DNAH3: variants seen among roughly 807,000 people sequenced by gnomAD.
DNAH3 encodes dynein axonemal heavy chain 3.
DNAH3 carries 332 observed loss-of-function variants against 432.5 expected under a neutral mutation model. That is an observed-to-expected ratio of 0.77 (90% CI 0.70 to 0.84). DNAH3 has a LOEUF of 0.84. DNAH3 is among the 40% of genes least tolerant of loss of function. The pLI, the probability that DNAH3 is intolerant of heterozygous loss-of-function variation, is 0.00. For synonymous variants in DNAH3, 1,956 were observed against 1,900.2 expected (o/e 1.03, Z -0.76); for missense variants, 4,861 against 5,114.0 (o/e 0.95, Z 1.51).
chr16:21,139,992 C>A (rs1237291960), intron 5 of DNAH3, among the ~76,000 whole-genome samples: 1 of 151,168 alleles, frequency 6.6e-6, no homozygotes, highest in Non-Finnish European at 1.5e-5. Flanking sequence ...AGCATGTTGA[C>A]CAGGCTGGTT....
intron 43 of DNAH3, among the ~76,000 whole-genome samples, chr16:20,997,890 T>C (rs1286767468): frequency 1.4e-5 from 2 of 148,104 alleles, no homozygotes; most frequent in Admixed American, 1.3e-4. Context: ...ATGTCTGTGG[T>C]CCCATACTCA....
exon 1 of DNAH3, chr16:21,159,432 T>C: frequency 6.2e-7 from 1 of 1,613,918 alleles, no homozygotes; most frequent in Non-Finnish European, 8.5e-7. Context: ...AGGCGCCCTG[T>C]AGCTCCCATC....
At chr16:21,110,603 C>T (rs1330877680) in intron 14 of DNAH3, among the ~76,000 whole-genome samples, 1 of 152,194 alleles carries the variant, frequency 6.6e-6, no homozygotes, top group Non-Finnish European at 1.5e-5. Context: ...GCCACAAATT[C>T]CCTTTTTAAC....
chr16:20,985,049 C>T (rs776207683), intron 48 of DNAH3: 32 of 1,592,846 alleles, frequency 2.0e-5, no homozygotes, highest in Non-Finnish European at 2.6e-5. Flanking sequence ...TTCTTCTTAC[C>T]GAGGACAATG....
chr16:21,136,607 C>T, intron 5 of DNAH3, 94 bp from the exon 7 acceptor site: 2 of 1,122,996 alleles, frequency 1.8e-6, no homozygotes, highest in South Asian at 1.3e-5. Flanking sequence ...CCCATTCATA[C>T]AGCATTCGTC....
chr16:21,015,182 G>A (rs1199051818), intron 41 of DNAH3, among the ~76,000 whole-genome samples: 1 of 152,170 alleles, frequency 6.6e-6, no homozygotes, highest in Non-Finnish European at 1.5e-5. Flanking sequence ...TTTAATGGGT[G>A]CATGGATAAA....
At chr16:20,959,610 AACAC>A (rs55757849) in intron 53 of DNAH3, among the ~76,000 whole-genome samples, 31,803 of 137,298 alleles carry the variant, frequency 0.23, 3,501 homozygotes, top group Admixed American at 0.27. Context: ...TCTCTATTTA[AACAC>A]ACACACACAC....
chr16:21,126,908 C>T (rs1258197634), intron 8 of DNAH3, among the ~76,000 whole-genome samples: 2 of 152,066 alleles, frequency 1.3e-5, no homozygotes, highest in African/African-American at 4.8e-5. Context: ...CCATCACCTT[C>T]AGATGGGACC....
At chr16:21,140,599 G>A (rs773011978) in exon 5 of DNAH3, 16 of 1,614,012 alleles carry the variant, frequency 9.9e-6, no homozygotes, top group Non-Finnish European at 1.4e-5. Flanking sequence ...GCTGTAACAT[G>A]ACATCGAGCT....
At chr16:21,150,698 G>C (rs2092843565) in intron 1 of DNAH3, 53 bp downstream of exon 1, 1 of 175,418 alleles carries the variant, frequency 5.7e-6, no homozygotes, top group Admixed American at 5.6e-5. Context: ...GTTCACTGCA[G>C]AGGAAAGACT....
chr16:21,032,053 G>C (rs962685757), intron 36 of DNAH3, among the ~76,000 whole-genome samples: 1 of 146,572 alleles, frequency 6.8e-6, no homozygotes, highest in Non-Finnish European at 1.5e-5. Flanking sequence ...AAAAAATCCA[G>C]GACTAAAGAA....
chr16:21,106,368 T>C (rs1438668901), intron 15 of DNAH3, 122 bp downstream of exon 15: 1 of 835,584 alleles, frequency 1.2e-6, no homozygotes, highest in Non-Finnish European at 1.7e-6. Context: ...AACTATCCTT[T>C]TGCTCAACAC....
rs1296776250 is a variant in DNAH3 at position 21,062,748 on chromosome 16, T to TA, written c.3519-66dup. The TA allele has an allele frequency of 2.9e-6, 4 of 1,375,182 alleles. No individual in the cohort carries two copies. The Admixed American group carries it at 5.9e-5, about 20-fold the overall frequency. The allele number at this position is 1,375,182 out of a possible 1,614,324, so 85.2% of individuals were successfully genotyped here. On this transcript the variant is annotated intron_variant, in intron 24 of 61. Transcript: ENST00000261383. ...CCAAGAACTTTTTCTAGCAAGGTGA[T>TA]ACTTTCTGACAGGTAGTCCGCACCT...
intron 54 of DNAH3, 101 bp from the exon 55 acceptor site, chr16:20,955,158 T>A (rs1018833950): frequency 3.4e-6 from 4 of 1,191,752 alleles, no homozygotes; most frequent in Non-Finnish European, 1.2e-6. Context: ...CAGACCAGCC[T>A]GGGTAACATG....
At chr16:20,946,858 T>C (rs1350635511) in intron 57 of DNAH3, among the ~76,000 whole-genome samples, 1 of 124,282 alleles carries the variant, frequency 8.0e-6, no homozygotes, top group Non-Finnish European at 1.6e-5. Flanking sequence ...ACAGGGTCAC[T>C]CTGTGGCCCA....
At chr16:20,981,467 C>T (rs2085894062) in intron 49 of DNAH3, among the ~76,000 whole-genome samples, 1 of 152,142 alleles carries the variant, frequency 6.6e-6, no homozygotes, top group Admixed American at 6.5e-5. Flanking sequence ...GGTGCGGTGG[C>T]TCACGCCTGT....
chr16:21,096,457 T>C (rs911394071), intron 18 of DNAH3, among the ~76,000 whole-genome samples: 3 of 152,138 alleles, frequency 2.0e-5, no homozygotes, highest in African/African-American at 7.2e-5. Context: ...TGTCCTCTGT[T>C]CTTCAACACC....
exon 36 of DNAH3, chr16:21,034,046 C>G (rs144828388): frequency 6.2e-7 from 1 of 1,613,784 alleles, no homozygotes; most frequent in East Asian, 2.2e-5. Flanking sequence ...GGGTCTCCTA[C>G]AATCATATAG....
chr16:20,963,690 A>T, exon 53 of DNAH3: 1 of 1,614,080 alleles, frequency 6.2e-7, no homozygotes, highest in South Asian at 1.1e-5. Flanking sequence ...CGATGCCTCC[A>T]GTGAGAAGGA....
Sources: gnomAD v4.1 joint callset for allele counts (sites outside exome capture counted in the v4.1 genomes callset) on GRCh38, gnomAD v4.1.1 for gene constraint, MANE v1.5 for transcripts, NCBI Gene and HGNC (gene_info 2026-07-23, HGNC 2026-07-21) for gene names.